The following PARVA variants were observed in gnomAD, a reference collection of about 807,000 sequenced individuals.
PARVA encodes alpha-parvin.
In PARVA, 25 loss-of-function variants were observed where a neutral mutation model predicts 52.6. The observed-to-expected ratio is 0.48, with a 90% CI of 0.35 to 0.66. The LOEUF is 0.66. Ranked by LOEUF, PARVA falls within the 30% of genes least tolerant of loss-of-function variation. The pLI, the probability that PARVA is intolerant of heterozygous loss-of-function variation, is 0.01. For synonymous variants in PARVA, 185 were observed against 179.1 expected, an observed-to-expected ratio of 1.03 and a Z score of -0.26; for missense variants, 373 against 450.9, an observed-to-expected ratio of 0.83 and a Z score of 1.56.
intron 1 of PARVA, among the ~76,000 whole-genome samples, chr11:12,460,922 T>C (rs1377309211): frequency 6.6e-6 from 1 of 152,162 alleles, no homozygotes; most frequent in Admixed American, 6.5e-5. Flanking sequence ...AAAACGCTCA[T>C]CTATTGCTGC....
At chr11:12,413,384 G>T (rs1016004101) in intron 1 of PARVA, among the ~76,000 whole-genome samples, 1 of 152,206 alleles carries the variant, frequency 6.6e-6, no homozygotes, top group Non-Finnish European at 1.5e-5. Context: ...AGGCAGAAAT[G>T]TATAGGCATT....
chr11:12,528,117 C>T lies in PARVA; in HGVS notation c.*192C>T, dbSNP rs1418513733. On this transcript the variant is annotated 3_prime_UTR_variant, in exon 13 of 13. Coordinates refer to ENST00000334956, the MANE Select transcript of PARVA (RefSeq NM_018222.5). ...AATAACTCAGTGGGCTGACCCATCC[C>T]TCCCAGGCGCTGGGGACCAACCTAG... 2 of 575,968 alleles carry T rather than the reference C, an allele frequency of 3.5e-6. No homozygotes were observed. Among genetic ancestry groups the T allele is most frequent in the East Asian group, 5.6e-5 (2 of 35,680 alleles). The allele number at this position is 575,968 out of a possible 1,614,324, so 35.7% of individuals were successfully genotyped here.
intron 1 of PARVA, among the ~76,000 whole-genome samples, chr11:12,388,130 G>T (rs987593979): frequency 3.3e-5 from 5 of 152,260 alleles, no homozygotes; most frequent in Non-Finnish European, 5.9e-5. Flanking sequence ...CCTCACTTCA[G>T]CCCTCCCCCA....
chr11:12,481,188 A>AT (rs1257131254), intron 4 of PARVA, among the ~76,000 whole-genome samples: 2 of 152,256 alleles, frequency 1.3e-5, no homozygotes, highest in Non-Finnish European at 2.9e-5. Context: ...CGCAATTCTT[A>AT]TGGTAGTGTT....
At position 12,466,314 on chromosome 11, in the gene PARVA, T is replaced by G. The variant is rs1027911415; in HGVS notation, c.137-7431T>G. ...AGAAATATTTATTTATTTAGTTGTT[T>G]TTTTTTTTTTGAGACGGAGTCTTGC... On this transcript the variant is annotated intron_variant, in intron 1 of 12. Coordinates refer to ENST00000334956, the MANE Select transcript of PARVA (RefSeq NM_018222.5). 8.4e-4 allele frequency among the ~76,000 whole-genome samples: 127 copies of G among 151,330 alleles called. 1 individual carries two copies. Among genetic ancestry groups the G allele is most frequent in the Non-Finnish European group, 1.3e-3 (91 of 67,834 alleles).
intron 4 of PARVA, among the ~76,000 whole-genome samples, chr11:12,491,008 C>CA (rs1374229579): frequency 1.3e-4 from 19 of 148,416 alleles, no homozygotes; most frequent in South Asian, 4.3e-4. Context: ...AACATTAATC[C>CA]AAAAAAAAAC....
At chr11:12,471,880 G>T (rs1239391986) in intron 1 of PARVA, among the ~76,000 whole-genome samples, 7 of 152,218 alleles carry the variant, frequency 4.6e-5, no homozygotes, top group Non-Finnish European at 2.9e-5. Context: ...TCCTTCATTG[G>T]CCAGTAAGCC....
Position 12,534,789 on chromosome 11 carries a change from G to C in PARVA, c.*6864G>C, listed in dbSNP as rs1941815455. Among the ~76,000 whole-genome samples the C allele has an allele frequency of 6.6e-6, 1 of 152,228 alleles. No individual in the cohort carries two copies. The highest frequency in any genetic ancestry group is 2.4e-5 in the African/African-American group (1 of 41,456). On this transcript the variant is annotated 3_prime_UTR_variant, in exon 13 of 13. Transcript: ENST00000334956. ...TGTCTTCCTGGAAACCCTGTCAAAG[G>C]CCTTACCGCCTGCCTGGAGAAACAC...
chr11:12,454,314 T>C (rs1195723901), intron 1 of PARVA, among the ~76,000 whole-genome samples: 1 of 152,230 alleles, frequency 6.6e-6, no homozygotes, highest in Non-Finnish European at 1.5e-5. Flanking sequence ...TATAATTTTT[T>C]TCTTTACACA....
At chr11:12,437,993 G>T (rs1940410138) in intron 1 of PARVA, among the ~76,000 whole-genome samples, 1 of 152,148 alleles carries the variant, frequency 6.6e-6, no homozygotes, top group South Asian at 2.1e-4. Context: ...GGGCGCAGTG[G>T]CTTACGTCTG....
intron 1 of PARVA, among the ~76,000 whole-genome samples, chr11:12,457,164 A>G (rs1044479505): frequency 1.3e-5 from 2 of 152,240 alleles, no homozygotes; most frequent in Non-Finnish European, 2.9e-5. Flanking sequence ...AAGGTTGTAC[A>G]AAAGGAAGCT....
chr11:12,534,431 C>G lies in PARVA; in HGVS notation c.*6506C>G, dbSNP rs1196776449. On this transcript the variant is annotated 3_prime_UTR_variant, in exon 13 of 13. Transcript: ENST00000334956. ...CTCAACTCCCCTGAACCCTCCTGAA[C>G]TTTCTACACACATGTGGGCACTGGC... 1.3e-5 allele frequency among the ~76,000 whole-genome samples: 2 copies of G among 152,146 alleles called. No individual in the cohort carries two copies. Among genetic ancestry groups the G allele is most frequent in the Non-Finnish European group, 2.9e-5 (2 of 68,036 alleles).
intron 1 of PARVA, among the ~76,000 whole-genome samples, chr11:12,379,088 G>C (rs114668042): frequency 6.6e-6 from 1 of 152,178 alleles, no homozygotes; most frequent in Non-Finnish European, 1.5e-5. Context: ...GGTAACTTCC[G>C]GACGTTGCCG....
At chr11:12,390,691 A>G (rs961037674) in intron 1 of PARVA, among the ~76,000 whole-genome samples, 1 of 152,132 alleles carries the variant, frequency 6.6e-6, no homozygotes. Context: ...CCCACACTTG[A>G]GACTTGAAAA....
At chr11:12,457,826 G>GAGAT in intron 1 of PARVA, among the ~76,000 whole-genome samples, 1 of 147,386 alleles carries the variant, frequency 6.8e-6, no homozygotes, top group East Asian at 2.0e-4. Context: ...TGTGGTGAGT[G>GAGAT]AGATAGAAGA....
intron 1 of PARVA, among the ~76,000 whole-genome samples, chr11:12,425,512 C>T (rs1940218620): frequency 6.6e-6 from 1 of 152,174 alleles, no homozygotes; most frequent in Non-Finnish European, 1.5e-5. Context: ...GCAGAGAATG[C>T]CCTTTTTCTT....
rs535560145 is a variant in PARVA at position 12,513,924 on chromosome 11, A to T, written c.799-73A>T. 2.6e-5 allele frequency: 35 copies of T among 1,369,072 alleles called. 1 individual carries two copies. In the East Asian group the frequency reaches 8.0e-4, roughly 31 times the overall value. The allele number at this position is 1,369,072 out of a possible 1,614,324, so 84.8% of individuals were successfully genotyped here. On this transcript the variant is annotated intron_variant, in intron 9 of 12. Coordinates refer to ENST00000334956, the MANE Select transcript of PARVA (RefSeq NM_018222.5). ...TCACCCTCACCCTTGCCCTCACGGGAGTCACGGAGCAGCCACAGGCTCCTG... is the reference window on the plus strand; with the variant it reads ...TCACCCTCACCCTTGCCCTCACGGGTGTCACGGAGCAGCCACAGGCTCCTG...
At chr11:12,496,372 G>C (rs968580034) in intron 4 of PARVA, 86 bp from the exon 5 acceptor site, 113 of 1,006,304 alleles carry the variant, frequency 1.1e-4, no homozygotes, top group Middle Eastern at 5.5e-4. Context: ...GAGTGCATGA[G>C]AGACCGAATA....
rs1399632169 is a variant in PARVA, at chr11:12,534,023, C to A, written c.*6098C>A. 6.6e-6 allele frequency among the ~76,000 whole-genome samples: 1 copy of A among 152,010 alleles called. No individual in the cohort carries two copies. The highest frequency in any genetic ancestry group is 1.5e-5 in the Non-Finnish European group (1 of 68,002). Reference sequence around the variant, plus strand: ...CTGTACTAAAAATACAAAAAATTAGCCAGGTGTGGTGGTGCGTGCCTGTAA... The same window carrying A: ...CTGTACTAAAAATACAAAAAATTAGACAGGTGTGGTGGTGCGTGCCTGTAA... On this transcript the variant is annotated 3_prime_UTR_variant, in exon 13 of 13. Transcript: ENST00000334956.
Sources: allele counts gnomAD v4.1 joint callset (sites outside exome capture counted in the v4.1 genomes callset), GRCh38; gene constraint gnomAD v4.1.1; transcripts MANE v1.5; gene names NCBI Gene and HGNC (gene_info 2026-07-23, HGNC 2026-07-21).